Variants in CAMTA2 observed in about 807,000 individuals in gnomAD.
The protein encoded by CAMTA2 is calmodulin binding transcription activator 2, also known as calmodulin-binding transcription activator 2.
A neutral mutation model predicts 135.7 loss-of-function variants in CAMTA2; 56 were observed. That is an observed-to-expected ratio of 0.41 (90% confidence interval 0.33 to 0.52). The LOEUF (loss-of-function observed/expected upper bound fraction) is 0.52, where lower values mean the gene tolerates loss of function less well. Ranked by LOEUF, CAMTA2 falls within the 20% of genes least tolerant of loss-of-function variation. The probability of loss-of-function intolerance (pLI) is 0.16; values close to 1 mark genes in which losing one functional copy is unlikely to be tolerated. For synonymous variants in CAMTA2, 591 were observed against 604.6 expected, an observed-to-expected ratio of 0.98 and a Z score of 0.33; for missense variants, 1,358 against 1,553.4, an observed-to-expected ratio of 0.87 and a Z score of 2.11.
intron 15 of CAMTA2, 31 bp from the exon 16 acceptor site, chr17:4,972,567 C>T (rs375770324): frequency 1.6e-5 from 26 of 1,587,392 alleles, no homozygotes; most frequent in Non-Finnish European, 2.1e-5. Context: ...GTGAGGGCAG[C>T]CGGAGCCACG....
At chr17:4,977,638 G>C (rs1567691727) in intron 10 of CAMTA2, among the ~76,000 whole-genome samples, 1 of 152,228 alleles carries the variant, frequency 6.6e-6, no homozygotes, top group Non-Finnish European at 1.5e-5. Context: ...AAGACCAGGT[G>C]CTGAGACTTT....
Position 4,968,086 on chromosome 17 carries a change from C to A in CAMTA2, c.*670G>T. On this transcript the variant is annotated 3_prime_UTR_variant, in exon 23 of 23. Transcript: ENST00000348066. ...TGGAGCCGGCAGGAGGCCCCCGCCG[C>A]GCTAGAGAACCACAAGCCCGGCCGT... 2.0e-6 allele frequency: 1 copy of A among 498,382 alleles called. No homozygotes were observed. Among genetic ancestry groups the A allele is most frequent in the South Asian group, 2.4e-5 (1 of 40,890 alleles). The allele number at this position is 498,382 out of a possible 1,614,324, so 30.9% of individuals were successfully genotyped here.
intron 1 of CAMTA2, chr17:4,986,692 G>C: frequency 1.8e-6 from 1 of 548,564 alleles, no homozygotes. Context: ...CAGGGCAGGA[G>C]ATTCTACCTC....
chr17:4,972,205 C>G, intron 16 of CAMTA2, 27 bp downstream of exon 16: 1 of 1,593,500 alleles, frequency 6.3e-7, no homozygotes, highest in Non-Finnish European at 8.6e-7. Flanking sequence ...CTTCTAGCCC[C>G]CATAACTCCA....
In CAMTA2 at chr17:4,979,681, C is replaced by T; in HGVS notation, c.1638+3G>A. 2 of 1,594,506 alleles carry T rather than the reference C, an allele frequency of 1.3e-6. No homozygotes were observed. Among genetic ancestry groups the T allele is most frequent in the South Asian group, 1.1e-5 (1 of 90,348 alleles). On this transcript the variant is annotated splice_donor_region_variant and intron_variant, in intron 9 of 22. Transcript: ENST00000348066. ...GGAGGGAGGAGGTAAGCCTGAGTCT[C>T]ACCTCTGGGTAGGACCACTCTGGGG...
intron 17 of CAMTA2, 108 bp downstream of exon 17, chr17:4,970,232 G>T: frequency 1.4e-6 from 2 of 1,427,230 alleles, no homozygotes; most frequent in South Asian, 1.2e-5. Flanking sequence ...CTTCTCCAAG[G>T]CCCTGGGGCC....
At chr17:4,983,279 G>A (rs1053892459) in intron 3 of CAMTA2, 7 of 468,574 alleles carry the variant, frequency 1.5e-5, no homozygotes, top group Non-Finnish European at 2.3e-5. Flanking sequence ...TCTCATTCCT[G>A]TGCCCCTTTT....
chr17:4,983,233 T>C (rs1973070489), intron 3 of CAMTA2, 190 bp from the exon 4 acceptor site: 8 of 576,020 alleles, frequency 1.4e-5, no homozygotes, highest in Non-Finnish European at 2.5e-5. Context: ...GACAAAAGTC[T>C]AACATTTTTT....
intron 1 of CAMTA2, chr17:4,986,828 T>C (rs767342798): frequency 4.1e-5 from 31 of 751,300 alleles, no homozygotes; most frequent in African/African-American, 1.9e-4. Context: ...TAGGACCTGA[T>C]AGAATCTGGG....
At position 4,981,738 on chromosome 17, in the gene CAMTA2, C is replaced by T. The variant is rs764870764; in HGVS notation, c.505G>A (p.Asp169Asn). The T allele has an allele frequency of 5.0e-6, 8 of 1,613,560 alleles. No individual in the cohort carries two copies. The highest frequency in any genetic ancestry group is 2.2e-5 in the South Asian group (2 of 91,036). The change falls in exon 7 of 23, where the codon GAC (aspartate) becomes AAC (asparagine). Residue 169 changes from aspartate (D) to asparagine (N), a missense_variant. Asp to Asn is a conservative substitution (Grantham distance 23). Transcript: ENST00000348066. ...GACCACTTCAGCCACTCTCGACGGT[C>T]GCTGCTGATGGAACAAAAGATGGGG... Reference protein sequence around the residue: ...CSPIFCSISSDRREWLKWSRE... With the variant: ...CSPIFCSISSNRREWLKWSRE...
chr17:4,968,391 G>A lies in CAMTA2; in HGVS notation c.*365C>T, dbSNP rs1228675645. 2 of 383,300 alleles carry A rather than the reference G, an allele frequency of 5.2e-6. No individual in the cohort carries two copies. The highest frequency in any genetic ancestry group is 5.1e-5 in the East Asian group (1 of 19,584). 23.7% of individuals were successfully genotyped at this position (383,300 alleles called of 1,614,324 possible). A position where few individuals can be genotyped will look rare whatever the true frequency, so the allele number is the denominator to read the frequency against. On this transcript the variant is annotated 3_prime_UTR_variant, in exon 23 of 23. Coordinates refer to ENST00000348066, the MANE Select transcript of CAMTA2 (RefSeq NM_015099.4). ...CAGCGAAGGCAGTGGTGGGAACCGA[G>A]GCGGATACATTCAGAGACGCGTCGA... is the stretch of plus-strand genomic sequence containing the variant.
Position 4,968,990 on chromosome 17 carries a change from A to C in CAMTA2, c.3471-9T>G, listed in dbSNP as rs1335165610. 2 of 1,613,806 alleles carry C rather than the reference A, an allele frequency of 1.2e-6. No individual in the cohort carries two copies. Among genetic ancestry groups the C allele is most frequent in the East Asian group, 4.5e-5 (2 of 44,884 alleles). On this transcript the variant is annotated splice_polypyrimidine_tract_variant and intron_variant, in intron 21 of 22. Coordinates refer to ENST00000348066, the MANE Select transcript of CAMTA2 (RefSeq NM_015099.4). ...TGGTGAGAAAGGAGCCTCTGGTGAA[A>C]GAAACAAAAGATGGACCTCACAGAA...
In CAMTA2 at chr17:4,980,056, C is replaced by T. The variant is rs1198195095; in HGVS notation, c.1266G>A (p.Gln422=). The T allele has an allele frequency of 6.2e-7, 1 of 1,612,758 alleles. No individual in the cohort carries two copies. The highest frequency in any genetic ancestry group is 8.5e-7 in the Non-Finnish European group (1 of 1,178,968). Residue 422 remains glutamine, a synonymous_variant, in exon 9 of 23, where the codon CAG becomes CAA. Coordinates refer to ENST00000348066, the MANE Select transcript of CAMTA2 (RefSeq NM_015099.4). The surrounding 1 kb of genome is among the most constrained non-coding windows in gnomAD (Gnocchi z 5.3). ...ALEPAAALEP[Q]AAARGPPPQS... ...GTGGTGGGGGACCCCGAGCAGCTGCCTGGGGCTCCAGGGCAGCAGCAGGCT... is the reference window on the plus strand; with the variant it reads ...GTGGTGGGGGACCCCGAGCAGCTGCTTGGGGCTCCAGGGCAGCAGCAGGCT...
Position 4,972,890 on chromosome 17 carries a change from C to T in CAMTA2, c.2382G>A (p.Leu794=), listed in dbSNP as rs1202803968. The change falls in exon 15 of 23, where the codon TTG becomes TTA. Residue 794 remains leucine (L), a synonymous_variant. Transcript: ENST00000348066. Reference sequence around the variant, plus strand: ...CATGACCCCGGGAATGAGCCACAGACAATGGCAGACGGCCCAGAGAGTCGG... The same window carrying T: ...CATGACCCCGGGAATGAGCCACAGATAATGGCAGACGGCCCAGAGAGTCGG... ...SIPDSLGRLP[L]SVAHSRGHVR... 6 of 1,613,840 alleles carry T rather than the reference C, an allele frequency of 3.7e-6. No individual in the cohort carries two copies. The highest frequency in any genetic ancestry group is 5.1e-6 in the Non-Finnish European group (6 of 1,180,052).
chr17:4,969,784 T>G lies in CAMTA2; in HGVS notation c.3190-83A>C, dbSNP rs1972148642. The G allele has an allele frequency of 1.3e-6, 2 of 1,596,170 alleles. No individual in the cohort carries two copies. The highest frequency in any genetic ancestry group is 1.7e-6 in the Non-Finnish European group (2 of 1,165,446). On this transcript the variant is annotated intron_variant, in intron 18 of 22. Transcript: ENST00000348066. This position sits in a 1 kb window ranked among gnomAD's most constrained non-coding sequence, Gnocchi z 5.6. ...CCCTTCAACTTTCCTGGGGTTCCCC[T>G]GACCCTTTACCCCATCCAAGGCCTG...
chr17:4,969,377 G>A lies in CAMTA2; in HGVS notation c.3283-40C>T, dbSNP rs374413327. 465 of 1,610,524 alleles carry A rather than the reference G, an allele frequency of 2.9e-4. 1 individual carries two copies. The highest frequency in any genetic ancestry group is 3.7e-4 in the Non-Finnish European group (436 of 1,176,848). On this transcript the variant is annotated intron_variant, in intron 20 of 22. Coordinates refer to ENST00000348066, the MANE Select transcript of CAMTA2 (RefSeq NM_015099.4). This position sits in a 1 kb window ranked among gnomAD's most constrained non-coding sequence, Gnocchi z 5.6. ...AGGAGGGACAGGGGCTGAAATAGAG[G>A]GACGGAGACCCAAAGCCCTGAGGCT...
chr17:4,975,905 A>G (rs1972583299), intron 11 of CAMTA2, among the ~76,000 whole-genome samples: 1 of 152,254 alleles, frequency 6.6e-6, no homozygotes, highest in African/African-American at 2.4e-5. Context: ...AAATAAATAA[A>G]TACACACACA....
intron 12 of CAMTA2, 60 bp from the exon 13 acceptor site, chr17:4,973,829 C>A: frequency 1.4e-6 from 2 of 1,440,360 alleles, no homozygotes; most frequent in South Asian, 2.7e-5. Flanking sequence ...CTTGAGGTGG[C>A]CTTGGCCACC....
intron 11 of CAMTA2, among the ~76,000 whole-genome samples, chr17:4,976,626 A>C (rs1395689011): frequency 6.6e-6 from 1 of 152,094 alleles, no homozygotes; most frequent in East Asian, 1.9e-4. Context: ...GCTTGAACCC[A>C]GGAGGTGGAG....
Sources: allele counts gnomAD v4.1 joint callset (sites outside exome capture counted in the v4.1 genomes callset), GRCh38; gene constraint gnomAD v4.1.1; non-coding constraint Gnocchi (gnomAD v3.1); transcripts MANE v1.5; gene names NCBI Gene and HGNC (gene_info 2026-07-23, HGNC 2026-07-21).